The following COQ2 variants were observed in gnomAD, a reference collection of about 807,000 sequenced individuals.
COQ2 encodes the protein coenzyme Q2, polyprenyltransferase.
Under a neutral mutation model 35.7 loss-of-function variants are expected in COQ2, and 25 were observed. That is an observed-to-expected ratio of 0.70 (90% CI 0.51 to 0.98). The LOEUF (loss-of-function observed/expected upper bound fraction) is 0.98. Ranked by LOEUF, COQ2 falls within the 50% of genes least tolerant of loss-of-function variation. The pLI is 0.00. For synonymous variants in COQ2, 206 were observed against 186.2 expected (o/e 1.11, Z -0.86); for missense variants, 488 against 473.5 (o/e 1.03, Z -0.28).
At chr4:83,275,258 T>C (rs1735139519) in intron 2 of COQ2, among the ~76,000 whole-genome samples, 1 of 152,238 alleles carries the variant, frequency 6.6e-6, no homozygotes, top group Non-Finnish European at 1.5e-5. Context: ...TATTATGTCA[T>C]GAGACTATGA....
Position 83,284,725 on chromosome 4 carries a change from G to T in COQ2, c.40C>A (p.Arg14=). Residue 14 remains arginine (R), a synonymous_variant, in exon 1 of 7, where the codon CGG becomes AGG. Coordinates refer to ENST00000647002, the MANE Select transcript of COQ2 (RefSeq NM_001358921.2). ...SRAAGFARGL[R]AVALAWLPGW... is the part of the protein sequence containing the mutation. ...GGCAGCCACGCCAGTGCCACAGCCC[G>T]CAGGCCCCGCGCGAACCCCGCGGCT... 1 of 1,514,256 alleles carries T rather than the reference G, an allele frequency of 6.6e-7. No individual in the cohort carries two copies. The allele number at this position is 1,514,256 out of a possible 1,614,324, so 93.8% of individuals were successfully genotyped here.
At chr4:83,266,424 C>T in intron 6 of COQ2, among the ~76,000 whole-genome samples, 1 of 149,718 alleles carries the variant, frequency 6.7e-6, no homozygotes, top group East Asian at 2.0e-4. Flanking sequence ...GTGGTGTGAT[C>T]TTGGCTCACT....
intron 5 of COQ2, 26 bp from the exon 6 acceptor site, chr4:83,267,800 G>GT (rs1734959073): frequency 1.3e-6 from 2 of 1,503,724 alleles, no homozygotes; most frequent in Non-Finnish European, 1.8e-6. Context: ...AAAATAAACT[G>GT]TTTTTTGAGA....
In COQ2 at chr4:83,264,221, A is replaced by G. The variant is rs772073151; in HGVS notation, c.1094T>C (p.Ile365Thr). 4 of 1,506,486 alleles carry G rather than the reference A, an allele frequency of 2.7e-6. No homozygotes were observed. Among genetic ancestry groups the G allele is most frequent in the Admixed American group, 1.8e-5 (1 of 56,196 alleles). 93.3% of individuals were successfully genotyped at this position (1,506,486 alleles called of 1,614,324 possible). A position where few individuals can be genotyped will look rare whatever the true frequency, so the allele number is the denominator to read the frequency against. The change falls in exon 7 of 7, where the codon ATA (isoleucine) becomes ACA (threonine). Residue 365 changes from isoleucine (I) to threonine (T), a missense_variant. By Grantham distance (89) the Ile-to-Thr change is moderately conservative (BLOSUM62 -1). Coordinates refer to ENST00000647002, the MANE Select transcript of COQ2 (RefSeq NM_001358921.2). ...EKKTDKTKKG[I>T]ENKIEN Reference sequence around the variant, plus strand: ...TCATTAATTTTCTATTTTATTCTCTATACCCTTCTTTGTTTTGTCTGTCTT... The same window carrying G: ...TCATTAATTTTCTATTTTATTCTCTGTACCCTTCTTTGTTTTGTCTGTCTT...
chr4:83,271,985 C>T (rs924605246), intron 4 of COQ2, 102 bp downstream of exon 4: 1 of 761,868 alleles, frequency 1.3e-6, no homozygotes, highest in African/African-American at 1.8e-5. Context: ...AGGAAAATTA[C>T]ATGACTGATT....
chr4:83,282,838 G>A (rs1386090876), intron 1 of COQ2, among the ~76,000 whole-genome samples: 1 of 152,176 alleles, frequency 6.6e-6, no homozygotes. Context: ...TGGCTCCAAA[G>A]TTTTGCTCAT....
chr4:83,279,107 C>G lies in COQ2; in HGVS notation c.261G>C (p.Trp87Cys). Residue 87 changes from tryptophan to cysteine, a missense_variant, in exon 2 of 7, where the codon TGG becomes TGC. Coordinates refer to ENST00000647002, the MANE Select transcript of COQ2 (RefSeq NM_001358921.2). ...LMRLDKPIGT[W>C]LLYLPCTWSI... ...TCCAGGTACATGGTAAATACAGAAG[C>G]CAGGTTCCTAAGCAAAAATAAAAAG... The G allele has an allele frequency of 1.9e-6, 3 of 1,555,972 alleles. No individual in the cohort carries two copies. The highest frequency in any genetic ancestry group is 2.6e-6 in the Non-Finnish European group (3 of 1,155,170).
chr4:83,275,735 G>C (rs953661466), intron 2 of COQ2, among the ~76,000 whole-genome samples: 1 of 151,882 alleles, frequency 6.6e-6, no homozygotes, highest in African/African-American at 2.4e-5. Flanking sequence ...GGATGTAAAC[G>C]TTTAGAGGAG....
rs755319144 is a variant in COQ2, at chr4:83,267,576, A to T, written c.951+10T>A. ...GGAAATATGAGGGACAAATAAGAAAAAGGTCAAACCTGGTGAGTCAGATGG... is the reference window on the plus strand; with the variant it reads ...GGAAATATGAGGGACAAATAAGAAATAGGTCAAACCTGGTGAGTCAGATGG... On this transcript the variant is annotated intron_variant, in intron 6 of 6. Transcript: ENST00000647002. 7 of 1,541,202 alleles carry T rather than the reference A, an allele frequency of 4.5e-6. No homozygotes were observed. The highest frequency in any genetic ancestry group is 2.8e-5 in the African/African-American group (2 of 71,408).
intron 1 of COQ2, among the ~76,000 whole-genome samples, chr4:83,281,915 C>A (rs891918683): frequency 2.6e-5 from 4 of 152,060 alleles, no homozygotes; most frequent in Non-Finnish European, 4.4e-5. Flanking sequence ...TCTCTCCATA[C>A]ACTTCAGTTT....
intron 1 of COQ2, 63 bp downstream of exon 1, chr4:83,284,449 C>G: frequency 1.3e-6 from 2 of 1,503,486 alleles, no homozygotes; most frequent in South Asian, 2.5e-5. Context: ...CGGACAGCTC[C>G]GCGGAGCCGA....
chr4:83,267,612 C>G lies in COQ2; in HGVS notation c.925G>C (p.Ala309Pro). The change falls in exon 6 of 7, where the codon GCT becomes CCT. Residue 309 changes from alanine (A) to proline (P), a missense_variant. Transcript: ENST00000647002. Reference protein sequence around the residue: ...QTAPYYAALGAVGAHLTHQIY... With the variant: ...QTAPYYAALGPVGAHLTHQIY... ...TGGTGAGTCAGATGGGCTCCTACAG[C>G]ACCCAGGGCAGCGTAGTAGGGAGCA... 6.3e-7 allele frequency: 1 copy of G among 1,583,636 alleles called. No homozygotes were observed. The highest frequency in any genetic ancestry group is 1.3e-5 in the African/African-American group (1 of 74,114).
At chr4:83,270,418 TA>T (rs1221868778) in intron 4 of COQ2, among the ~76,000 whole-genome samples, 1 of 152,060 alleles carries the variant, frequency 6.6e-6, no homozygotes, top group East Asian at 1.9e-4. Flanking sequence ...AACATGAATA[TA>T]CATACGAACA....
chr4:83,278,011 CACACACACACACGT>C (rs1211998218), intron 2 of COQ2, among the ~76,000 whole-genome samples: 10 of 146,032 alleles, frequency 6.8e-5, no homozygotes, highest in Non-Finnish European at 1.2e-4. Flanking sequence ...CACACACACA[CACACACACACACGT>C]AACACTATTC....
At chr4:83,283,422 G>T (rs746459248) in intron 1 of COQ2, 2 of 985,284 alleles carry the variant, frequency 2.0e-6, no homozygotes. Flanking sequence ...GGTCAGGCTC[G>T]TATTCTTAGT....
chr4:83,270,485 T>C (rs1248368001), intron 4 of COQ2, among the ~76,000 whole-genome samples: 1 of 152,180 alleles, frequency 6.6e-6, no homozygotes, highest in African/African-American at 2.4e-5. Flanking sequence ...CACCTACATG[T>C]TGACAGCTCT....
At chr4:83,283,595 G>A (rs1277147281) in intron 1 of COQ2, 1 of 985,286 alleles carries the variant, frequency 1.0e-6, no homozygotes, top group East Asian at 1.1e-4. Flanking sequence ...ACTTGCTTTT[G>A]TATCACTCAT....
chr4:83,284,487 G>T (rs1305080413), intron 1 of COQ2, 25 bp downstream of exon 1: 1 of 1,549,336 alleles, frequency 6.5e-7, no homozygotes, highest in Non-Finnish European at 8.7e-7. Flanking sequence ...GCAAATTCCC[G>T]GGCTGCCCGC....
intron 2 of COQ2, among the ~76,000 whole-genome samples, chr4:83,276,639 A>T (rs1198781047): frequency 1.3e-5 from 2 of 152,208 alleles, no homozygotes; most frequent in Admixed American, 1.3e-4. Flanking sequence ...AACAGCATGG[A>T]GATTTCTCAA....
Sources: gnomAD v4.1 joint callset for allele counts (sites outside exome capture counted in the v4.1 genomes callset) on GRCh38, gnomAD v4.1.1 for gene constraint, MANE v1.5 for transcripts, NCBI Gene and HGNC (gene_info 2026-07-23, HGNC 2026-07-21) for gene names.